The following CSMD1 variants were observed in gnomAD, a reference collection of about 807,000 sequenced individuals.
CSMD1 encodes CUB and Sushi multiple domains 1.
CSMD1 carries 213 observed loss-of-function variants against 417.5 expected under a neutral mutation model. The observed-to-expected ratio is 0.51, with a 90% CI of 0.46 to 0.57. The LOEUF (loss-of-function observed/expected upper bound fraction) is 0.57. CSMD1 is among the 20% of genes least tolerant of loss of function. The pLI, the probability that CSMD1 is intolerant of heterozygous loss-of-function variation, is 0.00. For missense variants in CSMD1, 6,923 were observed against 4,529.7 expected (o/e 1.53, Z -15.17); for synonymous variants, 2,862 against 1,736.8 (o/e 1.65, Z -16.11).
intron 3 of CSMD1, among the ~76,000 whole-genome samples, chr8:4,257,819 T>C (rs1172841627): frequency 6.6e-6 from 1 of 152,192 alleles, no homozygotes; most frequent in Non-Finnish European, 1.5e-5. Flanking sequence ...TGAGGTTGCA[T>C]GCATAGGGAA....
At chr8:4,290,533 G>C (rs932500956) in intron 3 of CSMD1, among the ~76,000 whole-genome samples, 3 of 152,108 alleles carry the variant, frequency 2.0e-5, no homozygotes, top group Non-Finnish European at 4.4e-5. Flanking sequence ...CTGAGTTATG[G>C]GGGAAAACAA....
chr8:3,214,997 C>T (rs1037144725), intron 29 of CSMD1, among the ~76,000 whole-genome samples: 1 of 152,112 alleles, frequency 6.6e-6, no homozygotes, highest in African/African-American at 2.4e-5. Flanking sequence ...ATATATTTAT[C>T]CATTTTTGGC....
chr8:3,547,967 T>A (rs1439460205), intron 10 of CSMD1, among the ~76,000 whole-genome samples: 1 of 152,144 alleles, frequency 6.6e-6, no homozygotes, highest in African/African-American at 2.4e-5. Flanking sequence ...AACTTCAACC[T>A]ATTTGGATAT....
chr8:3,917,884 T>C (rs983756307), intron 5 of CSMD1, among the ~76,000 whole-genome samples: 1 of 152,174 alleles, frequency 6.6e-6, no homozygotes, highest in Admixed American at 6.5e-5. Context: ...AAATTTTACT[T>C]AAATTTTAAA....
At chr8:4,883,434 A>T (rs1259261663) in intron 1 of CSMD1, among the ~76,000 whole-genome samples, 1 of 152,066 alleles carries the variant, frequency 6.6e-6, no homozygotes, top group Admixed American at 6.6e-5. Flanking sequence ...TCTCATTTTG[A>T]ACATTTTTAT....
intron 5 of CSMD1, among the ~76,000 whole-genome samples, chr8:3,924,343 A>C (rs749955478): frequency 6.6e-6 from 1 of 152,144 alleles, no homozygotes; most frequent in African/African-American, 2.4e-5. Context: ...AAGTGTCTCA[A>C]TGAGAATCAC....
intron 1 of CSMD1, among the ~76,000 whole-genome samples, chr8:4,805,334 G>A (rs916558281): frequency 1.3e-5 from 2 of 152,148 alleles, no homozygotes; most frequent in African/African-American, 4.8e-5. Flanking sequence ...AATATCCTCT[G>A]AAAATTGTGA....
chr8:3,262,340 C>A (rs1185234215), intron 26 of CSMD1, among the ~76,000 whole-genome samples: 2 of 150,244 alleles, frequency 1.3e-5, no homozygotes, highest in African/African-American at 4.9e-5. Context: ...CAATATGAAT[C>A]TCATGATTGT....
At chr8:4,971,464 G>C (rs1238098284) in intron 1 of CSMD1, among the ~76,000 whole-genome samples, 1 of 151,906 alleles carries the variant, frequency 6.6e-6, no homozygotes, top group East Asian at 1.9e-4. Context: ...AGGAAAGCTG[G>C]CAGACAGGTG....
intron 7 of CSMD1, among the ~76,000 whole-genome samples, chr8:3,618,185 T>G (rs956146319): frequency 1.3e-5 from 2 of 152,060 alleles, no homozygotes; most frequent in African/African-American, 4.8e-5. Context: ...AAAAAATCTT[T>G]TCTAGAGATG....
At chr8:3,623,427 G>A (rs1488495045) in intron 7 of CSMD1, among the ~76,000 whole-genome samples, 1 of 152,148 alleles carries the variant, frequency 6.6e-6, no homozygotes, top group African/African-American at 2.4e-5. Context: ...AGAAGTATAA[G>A]CAACGACATC....
chr8:4,249,763 GAATTAATGGGGC>G (rs1802940611), intron 3 of CSMD1, among the ~76,000 whole-genome samples: 2 of 150,510 alleles, frequency 1.3e-5, no homozygotes, highest in Admixed American at 6.7e-5. Flanking sequence ...ATTAATGGGG[GAATTAATGGGGC>G]ACTTGGGGAA....
chr8:4,047,563 G>A (rs1043523850), intron 3 of CSMD1, among the ~76,000 whole-genome samples: 3 of 151,610 alleles, frequency 2.0e-5, no homozygotes, highest in Non-Finnish European at 4.4e-5. Context: ...TTTATAGAAT[G>A]CAAATTATGT....
At chr8:3,987,212 A>C (rs953212759) in intron 5 of CSMD1, among the ~76,000 whole-genome samples, 8 of 152,056 alleles carry the variant, frequency 5.3e-5, no homozygotes, top group African/African-American at 1.7e-4. Flanking sequence ...TGCCCACAAC[A>C]GCAGCACGCA....
chr8:3,521,038 C>G (rs944185609), intron 10 of CSMD1, among the ~76,000 whole-genome samples: 9 of 152,142 alleles, frequency 5.9e-5, no homozygotes, highest in Admixed American at 2.6e-4. Context: ...ACCTGTCACC[C>G]CTAGAACTTT....
chr8:3,622,522 A>C (rs1023827441), intron 7 of CSMD1, among the ~76,000 whole-genome samples: 35 of 152,208 alleles, frequency 2.3e-4, no homozygotes, highest in African/African-American at 8.0e-4. Context: ...TTGGGCAAAA[A>C]CACTCTGGAT....
At chr8:3,466,861 G>A (rs1374355565) in intron 12 of CSMD1, among the ~76,000 whole-genome samples, 1 of 151,994 alleles carries the variant, frequency 6.6e-6, no homozygotes, top group African/African-American at 2.4e-5. Context: ...ATAGTACTCT[G>A]GAAATATGCA....
rs117882374 is a variant in CSMD1, at chr8:3,373,125, T to C, written c.2783-3755A>G. Among the ~76,000 whole-genome samples, 1,203 of 152,350 alleles carry C rather than the reference T, an allele frequency of 7.9e-3. 10 individuals are homozygous for C. Among genetic ancestry groups the C allele is most frequent in the Non-Finnish European group, 0.01 (709 of 68,038 alleles). On this transcript the variant is annotated intron_variant, in intron 18 of 69. Transcript: ENST00000635120. Reference sequence around the variant, plus strand: ...TCTTTATCCCAAAATCTGCATGTTATATAAACTGATAAAATTAATTCATAT... The same window carrying C: ...TCTTTATCCCAAAATCTGCATGTTACATAAACTGATAAAATTAATTCATAT...
At chr8:4,605,731 A>G (rs58723219) in intron 2 of CSMD1, among the ~76,000 whole-genome samples, 24,648 of 152,114 alleles carry the variant, frequency 0.16, 2,170 homozygotes, top group African/African-American at 0.23. Flanking sequence ...CATATCCACG[A>G]TCTGTGACTT....
Sources: gnomAD v4.1 joint callset for allele counts (sites outside exome capture counted in the v4.1 genomes callset) on GRCh38, gnomAD v4.1.1 for gene constraint, MANE v1.5 for transcripts, NCBI Gene and HGNC (gene_info 2026-07-23, HGNC 2026-07-21) for gene names.